CFAP299: variants seen among roughly 807,000 people sequenced by gnomAD.
CFAP299 encodes the protein cilia and flagella associated protein 299.
Under a neutral mutation model 27.0 loss-of-function variants are expected in CFAP299, and 21 were observed. The observed-to-expected ratio is 0.78, with a 90% CI of 0.55 to 1.12. The LOEUF is 1.12. CFAP299 is among the 50% of genes most tolerant of loss of function. The pLI is 0.00. For missense variants in CFAP299, 310 were observed against 276.6 expected (o/e 1.12, Z -0.86); for synonymous variants, 104 against 98.1 (o/e 1.06, Z -0.36).
At chr4:80,386,374 C>G (rs867204052) in intron 2 of CFAP299, 2 of 1,506,500 alleles carry the variant, frequency 1.3e-6, no homozygotes, top group Middle Eastern at 3.8e-4. Context: ...GGCGGCTTGC[C>G]CGGGACGGCC....
intron 3 of CFAP299, among the ~76,000 whole-genome samples, chr4:80,631,271 A>G (rs1318258891): frequency 6.6e-6 from 1 of 152,078 alleles, no homozygotes; most frequent in African/African-American, 2.4e-5. Context: ...TTGTTGGTAT[A>G]GCATTATATA....
chr4:80,371,428 A>G (rs1317829606), intron 2 of CFAP299, among the ~76,000 whole-genome samples: 1 of 152,004 alleles, frequency 6.6e-6, no homozygotes, highest in Non-Finnish European at 1.5e-5. Flanking sequence ...CTCCCCCCAA[A>G]ATGAGTTTTT....
At chr4:80,506,500 C>G (rs1440917603) in intron 2 of CFAP299, among the ~76,000 whole-genome samples, 2 of 151,964 alleles carry the variant, frequency 1.3e-5, no homozygotes, top group Admixed American at 6.6e-5. Context: ...TGCTACCAAC[C>G]TTGCTTTAAT....
chr4:80,912,838 C>G (rs975483777), intron 4 of CFAP299, among the ~76,000 whole-genome samples: 1 of 152,132 alleles, frequency 6.6e-6, no homozygotes, highest in Non-Finnish European at 1.5e-5. Context: ...TCCCAAGGAC[C>G]AGGAAGAACC....
chr4:80,876,007 G>A (rs535009644), intron 4 of CFAP299, among the ~76,000 whole-genome samples: 2 of 152,028 alleles, frequency 1.3e-5, no homozygotes, highest in South Asian at 2.1e-4. Flanking sequence ...GTTGAACTGC[G>A]TCAGTCTGAG....
At chr4:80,791,359 T>C (rs890223583) in intron 3 of CFAP299, among the ~76,000 whole-genome samples, 4 of 152,038 alleles carry the variant, frequency 2.6e-5, no homozygotes, top group Admixed American at 2.0e-4. Flanking sequence ...TCCTTGACTC[T>C]CAATCAAGAG....
At chr4:80,473,749 G>A (rs1012440977) in intron 2 of CFAP299, among the ~76,000 whole-genome samples, 6 of 151,816 alleles carry the variant, frequency 4.0e-5, no homozygotes, top group African/African-American at 1.2e-4. Flanking sequence ...TGTTTTGTTT[G>A]TTTGTTTGTT....
At chr4:80,708,663 C>T (rs2110034304) in intron 3 of CFAP299, among the ~76,000 whole-genome samples, 1 of 152,156 alleles carries the variant, frequency 6.6e-6, no homozygotes, top group Non-Finnish European at 1.5e-5. Context: ...AAACAGCTTT[C>T]AATGGAAAGA....
chr4:80,918,491 G>A (rs188647314), intron 4 of CFAP299, among the ~76,000 whole-genome samples: 1 of 152,212 alleles, frequency 6.6e-6, no homozygotes, highest in East Asian at 1.9e-4. Flanking sequence ...TGTTCATGTG[G>A]CAGTTAGGTA....
chr4:80,591,105 ATTTTTT>A (rs70944795), intron 3 of CFAP299, among the ~76,000 whole-genome samples: 2 of 126,862 alleles, frequency 1.6e-5, no homozygotes, highest in African/African-American at 6.1e-5. Context: ...ACTTTAGGAA[ATTTTTT>A]TTTTTTTTTT....
intron 3 of CFAP299, among the ~76,000 whole-genome samples, chr4:80,686,592 C>T (rs967939057): frequency 6.6e-6 from 1 of 152,168 alleles, no homozygotes; most frequent in African/African-American, 2.4e-5. Context: ...CGCTGTTAAT[C>T]AACTGTGGGG....
intron 3 of CFAP299, among the ~76,000 whole-genome samples, chr4:80,810,885 T>C (rs1341938042): frequency 6.6e-6 from 1 of 152,122 alleles, no homozygotes; most frequent in Non-Finnish European, 1.5e-5. Context: ...TCCAGCCTGA[T>C]GCAACATCCC....
At chr4:80,780,903 G>A (rs1038582409) in intron 3 of CFAP299, among the ~76,000 whole-genome samples, 13 of 151,784 alleles carry the variant, frequency 8.6e-5, no homozygotes, top group African/African-American at 3.1e-4. Context: ...CTATAAATTA[G>A]ACCCAAAACT....
upstream of CFAP299, among the ~76,000 whole-genome samples, chr4:80,331,826 C>G (rs1721953064): frequency 6.6e-6 from 1 of 152,098 alleles, no homozygotes; most frequent in East Asian, 1.9e-4. Context: ...GAACCATATG[C>G]ATGTAAGGCA....
chr4:80,931,869 A>G lies in CFAP299; in HGVS notation c.477-12941A>G, dbSNP rs368573339. 6.6e-5 allele frequency among the ~76,000 whole-genome samples: 10 copies of G among 152,164 alleles called. 1 individual carries two copies. Among genetic ancestry groups the G allele is most frequent in the East Asian group, 3.9e-4 (2 of 5,180 alleles). On this transcript the variant is annotated intron_variant, in intron 4 of 5. Transcript: ENST00000358105. ...GGAATCACCCTGTACCTTCCCTGAG[A>G]GGAAACAACTGTTTCTTTGTGGCTG...
At chr4:80,919,221 A>G (rs887195749) in intron 4 of CFAP299, among the ~76,000 whole-genome samples, 1 of 152,164 alleles carries the variant, frequency 6.6e-6, no homozygotes, top group Non-Finnish European at 1.5e-5. Context: ...CAAACAGAAT[A>G]TTCCTAATTA....
chr4:80,930,693 T>C (rs1736570489), intron 4 of CFAP299, among the ~76,000 whole-genome samples: 1 of 152,154 alleles, frequency 6.6e-6, no homozygotes, highest in Admixed American at 6.6e-5. Flanking sequence ...GTTTTCTCAC[T>C]CAGACACACC....
intron 2 of CFAP299, among the ~76,000 whole-genome samples, chr4:80,390,189 TATAGTTGCTATTCCGTAC>T (rs1209631981): frequency 1.3e-5 from 2 of 152,054 alleles, no homozygotes; most frequent in East Asian, 3.8e-4. Flanking sequence ...TGTTATTAAC[TATAGTTGCTATTCCGTAC>T]ATTGTATCTC....
chr4:80,882,733 A>T (rs1394205061), intron 4 of CFAP299, among the ~76,000 whole-genome samples: 1 of 152,180 alleles, frequency 6.6e-6, no homozygotes, highest in African/African-American at 2.4e-5. Flanking sequence ...TCTCAGCAGA[A>T]ACTTTGTAGC....
Sources: allele counts gnomAD v4.1 joint callset (sites outside exome capture counted in the v4.1 genomes callset), GRCh38; gene constraint gnomAD v4.1.1; transcripts MANE v1.5; gene names NCBI Gene and HGNC (gene_info 2026-07-23, HGNC 2026-07-21).